STARD6: variants seen among roughly 807,000 people sequenced by gnomAD.
STARD6 encodes StAR related lipid transfer domain containing 6.
Under a neutral mutation model 22.3 loss-of-function variants are expected in STARD6, and 21 were observed. The ratio of observed to expected loss-of-function variants is 0.94; its 90% CI spans 0.67 to 1.35. The LOEUF is 1.35. Ranked by LOEUF, STARD6 falls within the 40% of genes most tolerant of loss-of-function variation. The probability of loss-of-function intolerance (pLI) is 0.00; values close to 1 mark genes in which losing one functional copy is unlikely to be tolerated. For missense variants in STARD6, 269 were observed against 266.9 expected (o/e 1.01, Z -0.05); for synonymous variants, 80 against 88.1 (o/e 0.91, Z 0.52).
chr18:54,331,595 A>T, intron 6 of STARD6, 147 bp downstream of exon 6: 1 of 607,446 alleles, frequency 1.6e-6, no homozygotes, highest in South Asian at 2.3e-5. Flanking sequence ...AGGCATATCT[A>T]CATGATACGT....
intron 4 of STARD6, among the ~76,000 whole-genome samples, chr18:54,351,898 C>CTTTTTTTTTTTT (rs1568174614): frequency 1.6e-5 from 1 of 61,548 alleles, no homozygotes; most frequent in African/African-American, 9.9e-5. Flanking sequence ...GATATTGGTC[C>CTTTTTTTTTTTT]GTTTTTTTTT....
At chr18:54,335,847 T>C (rs1013016999) in intron 5 of STARD6, among the ~76,000 whole-genome samples, 4 of 152,216 alleles carry the variant, frequency 2.6e-5, no homozygotes, top group Admixed American at 6.5e-5. Context: ...CCTTCTGCCA[T>C]GACTGTAAAT....
chr18:54,340,210 T>C (rs369252524), intron 4 of STARD6, among the ~76,000 whole-genome samples: 1 of 152,268 alleles, frequency 6.6e-6, no homozygotes, highest in East Asian at 1.9e-4. Flanking sequence ...AACAATATGG[T>C]ATTTGATTTG....
intron 7 of STARD6, among the ~76,000 whole-genome samples, chr18:54,325,437 C>T (rs932837981): frequency 1.3e-5 from 2 of 152,102 alleles, no homozygotes; most frequent in African/African-American, 4.8e-5. Context: ...TGGCTACAGA[C>T]AGTATTTCAT....
At chr18:54,349,530 G>C (rs541402087) in intron 4 of STARD6, among the ~76,000 whole-genome samples, 2 of 152,172 alleles carry the variant, frequency 1.3e-5, no homozygotes, top group Non-Finnish European at 2.9e-5. Flanking sequence ...ATAGGTTTTG[G>C]GGAAACAGGT....
intron 7 of STARD6, 80 bp downstream of exon 7, chr18:54,329,267 G>T: frequency 8.7e-7 from 1 of 1,147,140 alleles, no homozygotes; most frequent in Non-Finnish European, 1.2e-6. Flanking sequence ...TATTTCTACT[G>T]ATGAGCCAGC....
chr18:54,326,425 G>A lies in STARD6; in HGVS notation c.480-1550C>T, dbSNP rs927512381. Among the ~76,000 whole-genome samples, 16 of 150,520 alleles carry A rather than the reference G, an allele frequency of 1.1e-4. No homozygotes were observed. The South Asian group carries it at 3.0e-3, about 28-fold the overall frequency. ...GGGATCACTGCAAGCCCCGCCTCCC[G>A]GGTTCAAACGATTCTCCTGCTTCAG... On this transcript the variant is annotated intron_variant, in intron 7 of 7. Coordinates refer to ENST00000307844, the MANE Select transcript of STARD6 (RefSeq NM_139171.2).
intron 4 of STARD6, among the ~76,000 whole-genome samples, chr18:54,341,223 C>G (rs2088966187): frequency 6.6e-6 from 1 of 152,122 alleles, no homozygotes. Context: ...CTGCGCCCGG[C>G]TAATTTTTTG....
At chr18:54,346,454 C>G (rs1053801938) in intron 4 of STARD6, among the ~76,000 whole-genome samples, 16 of 151,882 alleles carry the variant, frequency 1.1e-4, no homozygotes, top group African/African-American at 3.9e-4. Flanking sequence ...ACATACACTG[C>G]TGTTAGGAAT....
At chr18:54,340,257 G>A (rs2088958098) in intron 4 of STARD6, among the ~76,000 whole-genome samples, 1 of 152,074 alleles carries the variant, frequency 6.6e-6, no homozygotes, top group Non-Finnish European at 1.5e-5. Flanking sequence ...ACAAAAAACA[G>A]CACAAAATGT....
intron 2 of STARD6, among the ~76,000 whole-genome samples, chr18:54,354,989 T>C (rs2089131439): frequency 1.3e-5 from 2 of 152,230 alleles, no homozygotes; most frequent in South Asian, 4.1e-4. Flanking sequence ...TAATTTTAAT[T>C]TCTAACAGTT....
chr18:54,330,867 T>C (rs1052500658), intron 6 of STARD6, among the ~76,000 whole-genome samples: 1 of 152,172 alleles, frequency 6.6e-6, no homozygotes, highest in African/African-American at 2.4e-5. Context: ...ATACATTATA[T>C]GTGCCCTCAT....
intron 2 of STARD6, 129 bp from the exon 3 acceptor site, chr18:54,354,706 T>C (rs1599313473): frequency 9.6e-6 from 6 of 627,102 alleles, no homozygotes; most frequent in East Asian, 8.6e-5. Flanking sequence ...ACTTGATGAA[T>C]GCATGTATGC....
In STARD6 at chr18:54,337,043, A is replaced by G. The variant is rs1264790109; in HGVS notation, c.267+82T>C. 8 of 1,257,584 alleles carry G rather than the reference A, an allele frequency of 6.4e-6. No individual in the cohort carries two copies. In the Middle Eastern group the frequency reaches 1.8e-3, roughly 287 times the overall value. The allele number at this position is 1,257,584 out of a possible 1,614,324, so 77.9% of individuals were successfully genotyped here. ...AAACTATAAAATACTGTGTCTACAT[A>G]ACATAGTTTTAATCAACTCACTAAG... is the stretch of plus-strand genomic sequence containing the variant. On this transcript the variant is annotated intron_variant, in intron 5 of 7. Transcript: ENST00000307844.
At chr18:54,336,868 G>A (rs1460837401) in intron 5 of STARD6, among the ~76,000 whole-genome samples, 1 of 152,176 alleles carries the variant, frequency 6.6e-6, no homozygotes, top group South Asian at 2.1e-4. Context: ...CCTGAGTTCT[G>A]TTCCTTTATA....
At position 54,329,375 on chromosome 18, in the gene STARD6, A is replaced by G; in HGVS notation, c.451T>C (p.Cys151Arg). The change falls in exon 7 of 8, where the codon TGT (cysteine) becomes CGT (arginine). Residue 151 changes from cysteine to arginine, a missense_variant. Cys to Arg is a radical substitution (Grantham distance 180). Transcript: ENST00000307844. ...TCCATTGGTGAACATACAAAGCCACAAGGATGGTTATAACCGCGGATATAA... is the reference window on the plus strand; with the variant it reads ...TCCATTGGTGAACATACAAAGCCACGAGGATGGTTATAACCGCGGATATAA... ...SNYIRGYNHP[C>R]GFVCSPMEEN... 1 of 1,603,874 alleles carries G rather than the reference A, an allele frequency of 6.2e-7. No individual in the cohort carries two copies. The highest frequency in any genetic ancestry group is 8.5e-7 in the Non-Finnish European group (1 of 1,176,144).
In STARD6 at chr18:54,337,255, C is replaced by A; in HGVS notation, c.141-4G>T. ...AATTATCCCTTCAACACGATATCTA[C>A]AGTTAACAAAATAAAGAAAATTCAA... On this transcript the variant is annotated splice_polypyrimidine_tract_variant and splice_region_variant and intron_variant, in intron 4 of 7. Coordinates refer to ENST00000307844, the MANE Select transcript of STARD6 (RefSeq NM_139171.2). 6.2e-7 allele frequency: 1 copy of A among 1,605,258 alleles called. No homozygotes were observed. The highest frequency in any genetic ancestry group is 8.5e-7 in the Non-Finnish European group (1 of 1,177,152).
At chr18:54,346,837 G>A (rs2089041155) in intron 4 of STARD6, among the ~76,000 whole-genome samples, 1 of 152,080 alleles carries the variant, frequency 6.6e-6, no homozygotes, top group South Asian at 2.1e-4. Flanking sequence ...TCTCCTTTAT[G>A]ACATGTCCAG....
intron 4 of STARD6, among the ~76,000 whole-genome samples, chr18:54,348,111 A>G (rs1433404480): frequency 6.6e-6 from 1 of 152,112 alleles, no homozygotes; most frequent in Non-Finnish European, 1.5e-5. Context: ...CTCCCCAGCT[A>G]CATGGAACTG....
Sources: allele counts gnomAD v4.1 joint callset (sites outside exome capture counted in the v4.1 genomes callset), GRCh38; gene constraint gnomAD v4.1.1; transcripts MANE v1.5; gene names NCBI Gene and HGNC (gene_info 2026-07-23, HGNC 2026-07-21).